MARCHF3: variants seen among roughly 807,000 people sequenced by gnomAD.
The protein encoded by MARCHF3 is E3 ubiquitin-protein ligase MARCHF3.
In MARCHF3, 13 loss-of-function variants were observed where a neutral mutation model predicts 24.2. The ratio of observed to expected loss-of-function variants is 0.54; its 90% CI spans 0.35 to 0.85. The LOEUF (loss-of-function observed/expected upper bound fraction) is 0.85. MARCHF3 is among the 40% of genes least tolerant of loss of function. The pLI is 0.01. For synonymous variants in MARCHF3, 144 were observed against 137.3 expected, an observed-to-expected ratio of 1.05 and a Z score of -0.34; for missense variants, 276 against 325.0, an observed-to-expected ratio of 0.85 and a Z score of 1.16.
Position 126,914,822 on chromosome 5 carries a change from C to G in MARCHF3, c.393+108G>C, listed in dbSNP as rs867619673. The G allele has an allele frequency of 2.4e-4, 141 of 591,882 alleles. 3 individuals carry two copies. The Middle Eastern group carries it at 0.013, about 54-fold the overall frequency. The allele number at this position is 591,882 out of a possible 1,614,324, so 36.7% of individuals were successfully genotyped here. ...CACACACACACACACAGTCACATAG[C>G]TATTACCGTGCTTCAGTAAAGCTGT... On this transcript the variant is annotated intron_variant, in intron 3 of 4. Transcript: ENST00000308660.
chr5:127,002,363 T>C (rs972627144), intron 1 of MARCHF3, among the ~76,000 whole-genome samples: 1 of 152,240 alleles, frequency 6.6e-6, no homozygotes, highest in Non-Finnish European at 1.5e-5. Context: ...GGCTTATATA[T>C]AACCAGCATA....
intron 1 of MARCHF3, among the ~76,000 whole-genome samples, chr5:127,012,112 A>AGTG (rs1029185408): frequency 2.0e-5 from 3 of 152,172 alleles, no homozygotes; most frequent in African/African-American, 7.2e-5. Context: ...TACCATCAAT[A>AGTG]GTGACCTACT....
intron 1 of MARCHF3, among the ~76,000 whole-genome samples, chr5:127,028,603 C>T (rs2126868462): frequency 6.7e-6 from 1 of 149,016 alleles, no homozygotes; most frequent in South Asian, 2.1e-4. Context: ...AGTTTTAATG[C>T]ATTATTTTAA....
intron 3 of MARCHF3, among the ~76,000 whole-genome samples, chr5:126,903,885 C>A (rs1298333381): frequency 6.6e-6 from 1 of 151,774 alleles, no homozygotes; most frequent in Non-Finnish European, 1.5e-5. Flanking sequence ...CATATGTATA[C>A]ATGTGCCATG....
At chr5:126,897,748 C>T (rs1242564622) in intron 3 of MARCHF3, among the ~76,000 whole-genome samples, 2 of 151,968 alleles carry the variant, frequency 1.3e-5, no homozygotes, top group Admixed American at 1.3e-4. Context: ...TTAGAGCACC[C>T]AGAACAGTGC....
intron 1 of MARCHF3, among the ~76,000 whole-genome samples, chr5:127,019,286 T>C (rs1256269143): frequency 6.6e-6 from 1 of 152,192 alleles, no homozygotes; most frequent in Non-Finnish European, 1.5e-5. Flanking sequence ...ATTTTCCAAG[T>C]CACGACAAGT....
intron 3 of MARCHF3, among the ~76,000 whole-genome samples, chr5:126,910,002 C>G (rs188793493): frequency 2.6e-5 from 4 of 152,298 alleles, no homozygotes; most frequent in Middle Eastern, 6.8e-3. Context: ...TCACAGGGAA[C>G]AGCTTTTAAA....
intron 1 of MARCHF3, among the ~76,000 whole-genome samples, chr5:126,987,041 G>A (rs988404819): frequency 4.6e-5 from 7 of 152,218 alleles, no homozygotes; most frequent in African/African-American, 1.4e-4. Flanking sequence ...TTGTGGATGT[G>A]ATGAACAGTT....
intron 1 of MARCHF3, among the ~76,000 whole-genome samples, chr5:126,998,184 G>A (rs928504002): frequency 2.0e-5 from 3 of 152,170 alleles, no homozygotes; most frequent in Non-Finnish European, 4.4e-5. Context: ...TGTACAAGGG[G>A]AAGAGAGGAT....
At chr5:126,932,355 C>T (rs1015706019) in intron 1 of MARCHF3, among the ~76,000 whole-genome samples, 1 of 152,214 alleles carries the variant, frequency 6.6e-6, no homozygotes, top group Admixed American at 6.5e-5. Context: ...GACTTCCTCG[C>T]AGTCATTATA....
intron 1 of MARCHF3, among the ~76,000 whole-genome samples, chr5:127,029,040 C>G (rs893134218): frequency 5.3e-5 from 8 of 152,140 alleles, no homozygotes; most frequent in Admixed American, 2.6e-4. Context: ...ACTGAACGCT[C>G]GTAAAGTTCA....
At chr5:126,923,066 A>G (rs59459356) in intron 1 of MARCHF3, among the ~76,000 whole-genome samples, 9,265 of 152,226 alleles carry the variant, frequency 0.061, 541 homozygotes, top group African/African-American at 0.15. Context: ...AATGCTTAAT[A>G]AAGATATATG....
At chr5:127,019,233 T>C (rs1025707818) in intron 1 of MARCHF3, among the ~76,000 whole-genome samples, 1 of 152,194 alleles carries the variant, frequency 6.6e-6, no homozygotes, top group Admixed American at 6.5e-5. Context: ...GCCTAGGCCT[T>C]GCCATTTTGT....
intron 3 of MARCHF3, among the ~76,000 whole-genome samples, chr5:126,887,519 A>G (rs1353652448): frequency 6.6e-6 from 1 of 152,230 alleles, no homozygotes; most frequent in Non-Finnish European, 1.5e-5. Flanking sequence ...ATATTTTGAT[A>G]CCTGTATTTT....
intron 3 of MARCHF3, among the ~76,000 whole-genome samples, chr5:126,888,322 T>C (rs1753565169): frequency 6.6e-6 from 1 of 152,176 alleles, no homozygotes; most frequent in South Asian, 2.1e-4. Flanking sequence ...ATAAGCCAAT[T>C]AACGGGCTAT....
At chr5:126,904,496 G>A (rs1382251126) in intron 3 of MARCHF3, among the ~76,000 whole-genome samples, 1 of 148,312 alleles carries the variant, frequency 6.7e-6, no homozygotes, top group Non-Finnish European at 1.5e-5. Flanking sequence ...ACTTTTTAAT[G>A]ATTGCCATTC....
At chr5:126,911,473 A>G (rs6862462) in intron 3 of MARCHF3, among the ~76,000 whole-genome samples, 14,001 of 152,210 alleles carry the variant, frequency 0.092, 1,433 homozygotes, top group African/African-American at 0.25. Context: ...CATGACTATC[A>G]GGGGCAGGTT....
rs1751583783 is a variant in MARCHF3, at chr5:126,986,863, C to T, written c.-57+43487G>A. ...AAAGGAAAAAGACATGAGAGTGATG[C>T]AATTGGGAGATGAACATCATGAAAA... On this transcript the variant is annotated intron_variant, in intron 1 of 4. Coordinates refer to ENST00000308660, the MANE Select transcript of MARCHF3 (RefSeq NM_178450.5). Among the ~76,000 whole-genome samples, 5 of 152,186 alleles carry T rather than the reference C, an allele frequency of 3.3e-5. No homozygotes were observed. The South Asian group carries it at 1.0e-3, about 32-fold the overall frequency.
chr5:126,966,572 G>C (rs940365253), intron 1 of MARCHF3, among the ~76,000 whole-genome samples: 4 of 151,932 alleles, frequency 2.6e-5, no homozygotes, highest in African/African-American at 9.7e-5. Flanking sequence ...AGCTATTAAG[G>C]ATTTTTAAAC....
Sources: allele counts gnomAD v4.1 joint callset (sites outside exome capture counted in the v4.1 genomes callset), GRCh38; gene constraint gnomAD v4.1.1; transcripts MANE v1.5; gene names NCBI Gene and HGNC (gene_info 2026-07-23, HGNC 2026-07-21).